DMD: variants seen among roughly 807,000 people sequenced by gnomAD.
DMD encodes mutant dystrophin.
In DMD, 63 loss-of-function variants were observed where a neutral mutation model predicts 330.1. The observed-to-expected ratio is 0.19, with a 90% CI of 0.16 to 0.24. DMD has a LOEUF of 0.24. Among genes scored for constraint, DMD ranks in the 10% least tolerant of loss-of-function variants. The pLI, the probability that DMD is intolerant of heterozygous loss-of-function variation, is 1.00. For synonymous variants in DMD, 1,223 were observed against 959.8 expected (o/e 1.27, Z -5.07); for missense variants, 3,344 against 2,684.1 (o/e 1.25, Z -5.43).
In DMD at chrX:32,811,691, A is replaced by G. The variant is rs544235065; in HGVS notation, c.531-2080T>C. On this transcript the variant is annotated intron_variant, in intron 6 of 78. Coordinates refer to ENST00000357033, the MANE Select transcript of DMD (RefSeq NM_004006.3). ...AGTTCTTGTCTTATAAGGATTTTAA[A>G]TTTAATGAGCAAGAAAAATGAAGAA... 2.3e-3 allele frequency among the ~76,000 whole-genome samples: 261 copies of G among 112,280 alleles called. 1 individual carries two copies. Among genetic ancestry groups the G allele is most frequent in the African/African-American group, 8.1e-3 (251 of 30,966 alleles).
At chrX:32,788,416 T>C (rs771753368) in intron 7 of DMD, among the ~76,000 whole-genome samples, 3 of 112,140 alleles carry the variant, frequency 2.7e-5, no homozygotes, top group Admixed American at 1.9e-4. Context: ...CACATTTGGG[T>C]GAGAGGCATG....
At position 31,558,841 on chromosome X, in the gene DMD, T is replaced by C. The variant is rs185318212; in HGVS notation, c.8218-51388A>G. ...TTGAAAGGGTCAAGTAGAATGCCTATGGGCTATCTAACTATGTTGGTAAGG... is the reference window on the plus strand; with the variant it reads ...TTGAAAGGGTCAAGTAGAATGCCTACGGGCTATCTAACTATGTTGGTAAGG... On this transcript the variant is annotated intron_variant, in intron 55 of 78. Transcript: ENST00000357033. Among the ~76,000 whole-genome samples the C allele has an allele frequency of 6.1e-3, 674 of 111,182 alleles. 3 individuals carry two copies. The highest frequency in any genetic ancestry group is 0.02 in the South Asian group (52 of 2,596).
chrX:32,449,381 G>C (rs770612267), intron 26 of DMD, among the ~76,000 whole-genome samples: 2 of 109,516 alleles, frequency 1.8e-5, no homozygotes, highest in Admixed American at 1.9e-4. Context: ...ACCACAAAAC[G>C]CCCAACACTC....
At chrX:32,960,627 A>G (rs1329285073) in intron 2 of DMD, among the ~76,000 whole-genome samples, 2 of 111,010 alleles carry the variant, frequency 1.8e-5, no homozygotes, top group African/African-American at 3.3e-5. Flanking sequence ...TCATTCTCTC[A>G]TTCTCCCTTT....
At chrX:31,433,290 A>G (rs1334311065) in intron 60 of DMD, among the ~76,000 whole-genome samples, 3 of 111,417 alleles carry the variant, frequency 2.7e-5, no homozygotes, top group Admixed American at 1.9e-4. Flanking sequence ...TCTTTATCCA[A>G]TCCACCATTG....
intron 64 of DMD, 80 bp downstream of exon 64, chrX:31,222,966 TA>T: frequency 1.2e-6 from 1 of 865,785 alleles, no homozygotes; most frequent in Non-Finnish European, 1.7e-6. Context: ...CTCCCCTCTC[TA>T]AGTAAAAATG....
chrX:33,027,134 G>T (rs774006814), intron 1 of DMD, among the ~76,000 whole-genome samples: 5 of 112,207 alleles, frequency 4.5e-5, no homozygotes, highest in Non-Finnish European at 7.5e-5. Flanking sequence ...GATAGAATTA[G>T]ACTTTCTAAT....
chrX:32,701,592 TTC>T (rs2064136817), intron 7 of DMD, among the ~76,000 whole-genome samples: 1 of 111,470 alleles, frequency 9.0e-6, no homozygotes, highest in Non-Finnish European at 1.9e-5. Flanking sequence ...ATGTTCTTCC[TTC>T]TCACTAGTAA....
At chrX:32,599,468 C>T (rs808531) in intron 12 of DMD, among the ~76,000 whole-genome samples, 41,485 of 110,506 alleles carry the variant, frequency 0.38, 7,116 homozygotes, top group African/African-American at 0.67. Flanking sequence ...TGTTGTAAGG[C>T]TATATTTAAT....
At chrX:31,788,411 T>C (rs952161077) in intron 50 of DMD, among the ~76,000 whole-genome samples, 6 of 112,151 alleles carry the variant, frequency 5.3e-5, no homozygotes, top group Admixed American at 2.8e-4. Context: ...ACTAGTACTT[T>C]TTCCATGATG....
Position 32,844,807 on chromosome X carries a change from T to G in DMD, c.240A>C (p.Ala80=), listed in dbSNP as rs767666771. 3 of 1,211,675 alleles carry G rather than the reference T, an allele frequency of 2.5e-6. No homozygotes were observed. The highest frequency in any genetic ancestry group is 2.2e-5 in the Admixed American group (1 of 46,086). Residue 80 remains alanine (A), a synonymous_variant, in exon 4 of 79, where the codon GCA becomes GCC. Coordinates refer to ENST00000357033, the MANE Select transcript of DMD (RefSeq NM_004006.3). The stretch of plus-strand genomic sequence containing the variant: ...CATTATTGTTCTGCAAAACCCGCAG[T>G]GCCTTGTTGACATTGTTCAGGGCAT... ...RVHALNNVNK[A]LRVLQNNNVD... is the part of the protein sequence containing the mutation.
At chrX:32,892,382 T>G (rs776480313) in intron 2 of DMD, among the ~76,000 whole-genome samples, 7 of 109,744 alleles carry the variant, frequency 6.4e-5, no homozygotes, top group African/African-American at 2.3e-4. Context: ...TTGTTTTGTT[T>G]GTTTTCGTTT....
intron 1 of DMD, among the ~76,000 whole-genome samples, chrX:33,067,227 G>T (rs2094677876): frequency 8.9e-6 from 1 of 112,289 alleles, no homozygotes; most frequent in Non-Finnish European, 1.9e-5. Context: ...TAACAATGAA[G>T]ATGGAAATAG....
chrX:32,357,388 C>T (rs941647041), intron 37 of DMD, among the ~76,000 whole-genome samples: 6 of 111,221 alleles, frequency 5.4e-5, no homozygotes, highest in Non-Finnish European at 1.1e-4. Context: ...GTTAGAAATG[C>T]AAACTCTTGT....
At chrX:31,421,858 ACT>A (rs56157177) in intron 60 of DMD, among the ~76,000 whole-genome samples, 203 of 77,243 alleles carry the variant, frequency 2.6e-3, no homozygotes, top group African/African-American at 5.2e-3. Flanking sequence ...CTCCCTGCTT[ACT>A]CTCTCTCTCT....
chrX:32,643,337 C>G (rs1190731389), intron 11 of DMD, among the ~76,000 whole-genome samples: 3 of 101,055 alleles, frequency 3.0e-5, no homozygotes, highest in Non-Finnish European at 6.1e-5. Flanking sequence ...TTCCTTGGTC[C>G]TTTTTTTTTT....
At chrX:33,104,976 C>CT (rs775281693) in intron 1 of DMD, among the ~76,000 whole-genome samples, 6 of 111,864 alleles carry the variant, frequency 5.4e-5, no homozygotes, top group African/African-American at 1.6e-4. Flanking sequence ...AGTGATTAAA[C>CT]TTTTTTCCCA....
intron 67 of DMD, among the ~76,000 whole-genome samples, chrX:31,199,044 C>T (rs1287300931): frequency 3.6e-5 from 4 of 111,787 alleles, no homozygotes; most frequent in Non-Finnish European, 5.6e-5. Flanking sequence ...GTAAATTGCA[C>T]GATGTAGACT....
At chrX:32,203,517 T>C (rs1034170715) in intron 44 of DMD, among the ~76,000 whole-genome samples, 3 of 112,324 alleles carry the variant, frequency 2.7e-5, no homozygotes, top group Non-Finnish European at 5.6e-5. Flanking sequence ...TAGGGAACCA[T>C]GTCTTATGGT....
Sources: gnomAD v4.1 joint callset for allele counts (sites outside exome capture counted in the v4.1 genomes callset) on GRCh38, gnomAD v4.1.1 for gene constraint, MANE v1.5 for transcripts, NCBI Gene and HGNC (gene_info 2026-07-23, HGNC 2026-07-21) for gene names.